Variants in DISC1 observed in about 807,000 individuals in gnomAD.
DISC1 encodes the protein DISC1 scaffold protein.
A neutral mutation model predicts 84.5 loss-of-function variants in DISC1; 57 were observed. That is an observed-to-expected ratio of 0.67 (90% CI 0.55 to 0.84). The LOEUF is 0.84. Ranked by LOEUF, DISC1 falls within the 40% of genes least tolerant of loss-of-function variation. The probability of loss-of-function intolerance (pLI) is 0.00; values close to 1 mark genes in which losing one functional copy is unlikely to be tolerated. For synonymous variants in DISC1, 411 were observed against 415.2 expected (o/e 0.99, Z 0.12); for missense variants, 1,000 against 1,057.8 (o/e 0.95, Z 0.76).
At chr1:232,013,663 T>C (rs1668228924) in intron 11 of DISC1, among the ~76,000 whole-genome samples, 1 of 152,016 alleles carries the variant, frequency 6.6e-6, no homozygotes, top group African/African-American at 2.4e-5. Flanking sequence ...TTGGACAAAA[T>C]GGGTATGATC....
chr1:231,707,360 C>T (rs201600936), intron 3 of DISC1, among the ~76,000 whole-genome samples: 20 of 152,226 alleles, frequency 1.3e-4, no homozygotes, highest in Non-Finnish European at 2.8e-4. Flanking sequence ...CTCTCCCTGC[C>T]TGCACACCAG....
rs1190413695 is a variant in DISC1, at chr1:231,940,668, G to A, written c.1982-18160G>A. ...TAGGGTGTATTTGAGAGGAAGGAAG[G>A]GGGTGGGGGAGAAAGGAAAGAAGAC... On this transcript the variant is annotated intron_variant, in intron 9 of 12. Coordinates refer to ENST00000439617, the MANE Select transcript of DISC1 (RefSeq NM_018662.3). Among the ~76,000 whole-genome samples, 8 of 152,160 alleles carry A rather than the reference G, an allele frequency of 5.3e-5. No homozygotes were observed. In the East Asian group the frequency reaches 7.7e-4, roughly 15 times the overall value.
At chr1:231,673,476 C>T (rs371994134) in intron 1 of DISC1, among the ~76,000 whole-genome samples, 10 of 152,094 alleles carry the variant, frequency 6.6e-5, no homozygotes, top group South Asian at 4.1e-4. Context: ...TATAGGTAGG[C>T]GCCACCACAT....
chr1:232,022,150 T>C (rs984059562), intron 11 of DISC1, among the ~76,000 whole-genome samples: 8 of 152,060 alleles, frequency 5.3e-5, no homozygotes, highest in Non-Finnish European at 1.2e-4. Context: ...TTTTTGATGG[T>C]GGAGAGGCAA....
At chr1:231,931,411 C>T (rs2090647549) in intron 9 of DISC1, among the ~76,000 whole-genome samples, 1 of 152,102 alleles carries the variant, frequency 6.6e-6, no homozygotes, top group South Asian at 2.1e-4. Flanking sequence ...GCCCTAGGGA[C>T]TTACTTATGA....
intron 4 of DISC1, among the ~76,000 whole-genome samples, chr1:231,765,988 G>T (rs1250925237): frequency 6.6e-6 from 1 of 151,818 alleles, no homozygotes; most frequent in Non-Finnish European, 1.5e-5. Context: ...GATCTAGTAC[G>T]CACATTAAAA....
chr1:231,910,634 A>G (rs2089122019), intron 9 of DISC1, among the ~76,000 whole-genome samples: 1 of 152,176 alleles, frequency 6.6e-6, no homozygotes, highest in Admixed American at 6.5e-5. Flanking sequence ...TGTGGTGCTG[A>G]GAAGAATGTA....
intron 1 of DISC1, among the ~76,000 whole-genome samples, chr1:231,690,962 A>T (rs2064928381): frequency 6.6e-6 from 1 of 152,038 alleles, no homozygotes. Flanking sequence ...CTTTTGGTAA[A>T]CACCTCTCTT....
rs973490811 is a variant in DISC1 at position 231,720,961 on chromosome 1, G to T, written c.1117+18937G>T. 3.9e-6 allele frequency: 5 copies of T among 1,290,822 alleles called. No homozygotes were observed. In the Admixed American group the frequency reaches 9.2e-5, roughly 24 times the overall value. The allele number at this position is 1,290,822 out of a possible 1,614,324, so 80.0% of individuals were successfully genotyped here. A position where few individuals can be genotyped will look rare whatever the true frequency, so the allele number is the denominator to read the frequency against. ...TACCTCTGCAGGAAGTCACTGGAAGGGTTACATTTTCATTTGGGGTGAACA... is the reference window on the plus strand; with the variant it reads ...TACCTCTGCAGGAAGTCACTGGAAGTGTTACATTTTCATTTGGGGTGAACA... On this transcript the variant is annotated intron_variant, in intron 3 of 12. Transcript: ENST00000439617.
At chr1:231,664,805 C>T (rs560581166) in intron 1 of DISC1, among the ~76,000 whole-genome samples, 2 of 151,642 alleles carry the variant, frequency 1.3e-5, no homozygotes, top group South Asian at 4.2e-4. Flanking sequence ...GAGTCCACTT[C>T]TACATGAATT....
intron 12 of DISC1, among the ~76,000 whole-genome samples, chr1:232,032,401 T>G (rs1670132332): frequency 1.3e-5 from 2 of 152,198 alleles, no homozygotes. Flanking sequence ...TGCCTTATCA[T>G]CTATTCCTGA....
rs143290905 is a variant in DISC1, at chr1:231,672,933, C to A, written c.68-20893C>A. On this transcript the variant is annotated intron_variant, in intron 1 of 12. Coordinates refer to ENST00000439617, the MANE Select transcript of DISC1 (RefSeq NM_018662.3). ...AAACCTCCCAGGTGATTTTGATGCA[C>A]GTGACCCCCAGATCACACTCATGCC... 3.4e-3 allele frequency among the ~76,000 whole-genome samples: 512 copies of A among 152,254 alleles called. 7 individuals are homozygous for A. Among genetic ancestry groups the A allele is most frequent in the African/African-American group, 0.012 (491 of 41,534 alleles).
intron 9 of DISC1, among the ~76,000 whole-genome samples, chr1:231,850,994 G>A (rs2083854605): frequency 6.6e-6 from 1 of 152,142 alleles, no homozygotes; most frequent in African/African-American, 2.4e-5. Context: ...GGGTGTGAAG[G>A]TCATAGCAAG....
chr1:232,008,720 A>G (rs1667766064), intron 10 of DISC1, 65 bp from the exon 11 acceptor site: 1 of 1,501,630 alleles, frequency 6.7e-7, no homozygotes, highest in African/African-American at 1.4e-5. Flanking sequence ...TAGACAAGCT[A>G]TCGACTTGGT....
At chr1:231,649,898 T>C (rs2060472450) in intron 1 of DISC1, among the ~76,000 whole-genome samples, 1 of 152,202 alleles carries the variant, frequency 6.6e-6, no homozygotes, top group African/African-American at 2.4e-5. Flanking sequence ...TTTTCTTTTT[T>C]GCTTTCCATT....
At chr1:231,866,735 G>A (rs202086308) in intron 9 of DISC1, 38 of 1,341,276 alleles carry the variant, frequency 2.8e-5, no homozygotes, top group Non-Finnish European at 3.5e-5. Flanking sequence ...CTTTCTAGTC[G>A]TCGTGCTTTG....
intron 9 of DISC1, among the ~76,000 whole-genome samples, chr1:231,825,076 A>G (rs2081766498): frequency 6.6e-6 from 1 of 152,080 alleles, no homozygotes; most frequent in Admixed American, 6.6e-5. Context: ...TTCAATTTAT[A>G]CTTTGTTCAT....
rs1027888581 is a variant in DISC1, at chr1:231,954,531, A to G, written c.1982-4297A>G. Among the ~76,000 whole-genome samples the G allele has an allele frequency of 6.6e-6, 1 of 152,206 alleles. No individual in the cohort carries two copies. The highest frequency in any genetic ancestry group is 1.5e-5 in the Non-Finnish European group (1 of 68,036). On this transcript the variant is annotated intron_variant, in intron 9 of 12. Coordinates refer to ENST00000439617, the MANE Select transcript of DISC1 (RefSeq NM_018662.3). This position sits in a 1 kb window ranked among gnomAD's most constrained non-coding sequence, Gnocchi z 4.8. ...AATGTGTTCCTGCTTCTTCCTGATC[A>G]GGAAGGGGGTCTGCAGTCCTCTGGT...
chr1:231,951,656 T>A (rs1434160796), intron 9 of DISC1, among the ~76,000 whole-genome samples: 2 of 152,218 alleles, frequency 1.3e-5, no homozygotes, highest in African/African-American at 4.8e-5. Flanking sequence ...ATTAGTCATC[T>A]ATTGATGTGA....
Sources: allele counts gnomAD v4.1 joint callset (sites outside exome capture counted in the v4.1 genomes callset), GRCh38; gene constraint gnomAD v4.1.1; non-coding constraint Gnocchi (gnomAD v3.1); transcripts MANE v1.5; gene names NCBI Gene and HGNC (gene_info 2026-07-23, HGNC 2026-07-21).